LRMDA: variants seen among roughly 807,000 people sequenced by gnomAD.
The protein encoded by LRMDA is leucine-rich melanocyte differentiation-associated protein.
LRMDA carries 18 observed loss-of-function variants against 29.8 expected under a neutral mutation model. The ratio of observed to expected loss-of-function variants is 0.60; its 90% CI spans 0.42 to 0.90. The LOEUF (loss-of-function observed/expected upper bound fraction) is 0.90, where lower values mean the gene tolerates loss of function less well. Among genes scored for constraint, LRMDA ranks in the 40% least tolerant of loss-of-function variants. The pLI, the probability that LRMDA is intolerant of heterozygous loss-of-function variation, is 0.00. For synonymous variants in LRMDA, 125 were observed against 109.4 expected, an observed-to-expected ratio of 1.14 and a Z score of -0.89; for missense variants, 273 against 273.9, an observed-to-expected ratio of 1.00 and a Z score of 0.02.
Position 76,323,397 on chromosome 10 carries a change from C to T in LRMDA, c.517-1004C>T, listed in dbSNP as rs114570804. On this transcript the variant is annotated intron_variant, in intron 5 of 6. Coordinates refer to ENST00000611255, the MANE Select transcript of LRMDA (RefSeq NM_001305581.2). ...ATCCCATAGAATGTATTTCCCGCTC[C>T]GGAAAGAAAAATGTAGCATTAATGA... 8.2e-3 allele frequency among the ~76,000 whole-genome samples: 1,244 copies of T among 151,948 alleles called. 15 individuals carry two copies. Among genetic ancestry groups the T allele is most frequent in the African/African-American group, 0.029 (1,187 of 41,428 alleles).
Position 75,621,218 on chromosome 10 carries a change from A to ACACACACC in LRMDA, c.131+182740_131+182747dup, listed in dbSNP as rs1318293795. Among the ~76,000 whole-genome samples, 6 of 130,122 alleles carry ACACACACC rather than the reference A, an allele frequency of 4.6e-5. No individual in the cohort carries two copies. In the East Asian group the frequency reaches 8.5e-4, roughly 18 times the overall value. 85.4% of individuals were successfully genotyped at this position (130,122 alleles called of 152,430 possible). On this transcript the variant is annotated intron_variant, in intron 2 of 6. Transcript: ENST00000611255. Reference sequence around the variant, plus strand: ...TTCCATTACACACACACACACACACACACACACCCACACACCCACACACAC... The same window carrying ACACACACC: ...TTCCATTACACACACACACACACACACACACACCCACACACCCACACACCCACACACAC...
intron 5 of LRMDA, among the ~76,000 whole-genome samples, chr10:76,243,596 A>G (rs934672774): frequency 6.6e-6 from 1 of 152,186 alleles, no homozygotes; most frequent in Non-Finnish European, 1.5e-5. Context: ...TTAAGCTTCC[A>G]CTTGGTCACA....
intron 6 of LRMDA, among the ~76,000 whole-genome samples, chr10:76,509,599 T>C (rs1212328480): frequency 6.6e-6 from 1 of 152,188 alleles, no homozygotes; most frequent in Admixed American, 6.5e-5. Context: ...CAGCCTTGCT[T>C]AATTTGGGGA....
chr10:75,731,179 G>A (rs1297925363), intron 2 of LRMDA, among the ~76,000 whole-genome samples: 1 of 152,178 alleles, frequency 6.6e-6, no homozygotes, highest in Non-Finnish European at 1.5e-5. Context: ...AAGCCTATTG[G>A]ATTCATATTT....
chr10:75,748,940 C>A lies in LRMDA; in HGVS notation c.132-287068C>A, dbSNP rs954537626. ...ATCTATACACACATACAGAATTATA[C>A]ATACATACACATTACATGCAGGTAG... On this transcript the variant is annotated intron_variant, in intron 2 of 6. Transcript: ENST00000611255. 2.0e-5 allele frequency among the ~76,000 whole-genome samples: 3 copies of A among 152,162 alleles called. No individual in the cohort carries two copies. In the South Asian group the frequency reaches 6.2e-4, roughly 32 times the overall value.
At chr10:75,499,830 T>C (rs1845092191) in intron 2 of LRMDA, among the ~76,000 whole-genome samples, 1 of 152,050 alleles carries the variant, frequency 6.6e-6, no homozygotes, top group South Asian at 2.1e-4. Flanking sequence ...TACCAAGGTG[T>C]CTAGAGCCAA....
chr10:76,064,875 G>T (rs757776268), intron 5 of LRMDA, among the ~76,000 whole-genome samples: 1 of 151,994 alleles, frequency 6.6e-6, no homozygotes, highest in Non-Finnish European at 1.5e-5. Context: ...TAAAATATTG[G>T]TTGTTTTTCT....
At chr10:75,444,934 G>A (rs1209295191) in intron 2 of LRMDA, among the ~76,000 whole-genome samples, 1 of 152,078 alleles carries the variant, frequency 6.6e-6, no homozygotes, top group Non-Finnish European at 1.5e-5. Context: ...GCGTTACAAT[G>A]TTTTTTTAAG....
At chr10:76,220,302 A>C (rs975758575) in intron 5 of LRMDA, among the ~76,000 whole-genome samples, 2 of 152,158 alleles carry the variant, frequency 1.3e-5, no homozygotes, top group East Asian at 1.9e-4. Context: ...ACACAAAAAT[A>C]CCTTCAAAAA....
intron 2 of LRMDA, among the ~76,000 whole-genome samples, chr10:75,528,891 G>A (rs1282564057): frequency 2.0e-5 from 3 of 151,962 alleles, no homozygotes; most frequent in South Asian, 2.1e-4. Flanking sequence ...CATATCATAC[G>A]AGCAATATGT....
chr10:76,543,316 C>CTG (rs71028203), intron 6 of LRMDA, among the ~76,000 whole-genome samples: 2,767 of 144,150 alleles, frequency 0.019, 54 homozygotes, highest in African/African-American at 0.055. Context: ...TGGGGTGTGC[C>CTG]TGTGTGTGTG....
intron 5 of LRMDA, among the ~76,000 whole-genome samples, chr10:76,180,349 G>A (rs750584420): frequency 2.1e-5 from 3 of 139,754 alleles, no homozygotes; most frequent in Non-Finnish European, 4.5e-5. Flanking sequence ...GCAATGGCGT[G>A]ATCTCTGCTC....
intron 2 of LRMDA, among the ~76,000 whole-genome samples, chr10:75,875,731 C>A (rs1270430965): frequency 6.6e-6 from 1 of 152,238 alleles, no homozygotes; most frequent in African/African-American, 2.4e-5. Flanking sequence ...GGTGCCCAGC[C>A]AGCCATTTCT....
intron 5 of LRMDA, among the ~76,000 whole-genome samples, chr10:76,299,076 A>T (rs538645368): frequency 3.3e-5 from 5 of 152,140 alleles, no homozygotes; most frequent in African/African-American, 9.6e-5. Flanking sequence ...TTCACTTTTA[A>T]CTAAGGCAAT....
At chr10:76,014,745 G>A (rs1016357897) in intron 2 of LRMDA, among the ~76,000 whole-genome samples, 9 of 152,186 alleles carry the variant, frequency 5.9e-5, no homozygotes, top group Non-Finnish European at 1.2e-4. Context: ...TAGGCTGCAG[G>A]AAAAATCTAG....
chr10:76,356,106 C>T (rs1412250850), intron 6 of LRMDA, among the ~76,000 whole-genome samples: 2 of 152,062 alleles, frequency 1.3e-5, no homozygotes, highest in East Asian at 1.9e-4. Flanking sequence ...ATAAGGAAAG[C>T]CATTATGTGT....
At chr10:75,709,148 A>G (rs113542997) in intron 2 of LRMDA, among the ~76,000 whole-genome samples, 30 of 152,160 alleles carry the variant, frequency 2.0e-4, no homozygotes, top group Non-Finnish European at 1.5e-5. Flanking sequence ...TAACAATTCT[A>G]TGTTAAATGT....
chr10:76,075,986 G>C (rs1848949807), intron 5 of LRMDA, among the ~76,000 whole-genome samples: 1 of 152,172 alleles, frequency 6.6e-6, no homozygotes, highest in African/African-American at 2.4e-5. Context: ...TGGATTAAGG[G>C]ATTAAAGGAA....
At chr10:76,524,210 T>C (rs1361059191) in intron 6 of LRMDA, among the ~76,000 whole-genome samples, 1 of 152,144 alleles carries the variant, frequency 6.6e-6, no homozygotes, top group Non-Finnish European at 1.5e-5. Context: ...AGGGAGCAAA[T>C]GTCAGCTTAA....
Sources: allele counts gnomAD v4.1 joint callset (sites outside exome capture counted in the v4.1 genomes callset), GRCh38; gene constraint gnomAD v4.1.1; transcripts MANE v1.5; gene names NCBI Gene and HGNC (gene_info 2026-07-23, HGNC 2026-07-21).